The following KCNH8 variants were observed in gnomAD, a reference collection of about 807,000 sequenced individuals.
KCNH8 encodes potassium voltage-gated channel subfamily H member 8.
A neutral mutation model predicts 103.6 loss-of-function variants in KCNH8; 70 were observed. The ratio of observed to expected loss-of-function variants is 0.68; its 90% CI spans 0.56 to 0.82. KCNH8 has a LOEUF of 0.82. KCNH8 is among the 40% of genes least tolerant of loss of function. KCNH8 has a pLI of 0.00. For missense variants in KCNH8, 1,217 were observed against 1,329.9 expected, an observed-to-expected ratio of 0.92 and a Z score of 1.32; for synonymous variants, 498 against 489.4, an observed-to-expected ratio of 1.02 and a Z score of -0.23.
chr3:19,295,259 C>G (rs199529316), intron 3 of KCNH8, among the ~76,000 whole-genome samples: 3 of 152,018 alleles, frequency 2.0e-5, no homozygotes, highest in East Asian at 3.9e-4. Context: ...CGGTTCATAC[C>G]TGTGGTCCCA....
chr3:19,483,952 T>C (rs1382844990), intron 11 of KCNH8, among the ~76,000 whole-genome samples: 2 of 152,218 alleles, frequency 1.3e-5, no homozygotes. Context: ...TATTTACATT[T>C]ATATTTATAT....
In KCNH8 at chr3:19,534,072, G is replaced by A. The variant is rs1422727561; in HGVS notation, c.3297G>A (p.Val1099=). The change falls in exon 16 of 16, where the codon GTG becomes GTA. Residue 1099 remains valine (V), a synonymous_variant. Transcript: ENST00000328405. ...PLEVVTSTAE[V]KDNKAINV is the part of the protein sequence containing the mutation. ...AAGTTGTCACAAGCACAGCAGAAGT[G>A]AAAGATAACAAAGCCATAAATGTAT... is the stretch of plus-strand genomic sequence containing the variant. 1 of 1,613,832 alleles carries A rather than the reference G, an allele frequency of 6.2e-7. No homozygotes were observed. The highest frequency in any genetic ancestry group is 1.1e-5 in the South Asian group (1 of 91,050).
intron 1 of KCNH8, among the ~76,000 whole-genome samples, chr3:19,169,221 A>T (rs527774420): frequency 1.3e-5 from 2 of 151,368 alleles, no homozygotes; most frequent in African/African-American, 2.4e-5. Flanking sequence ...CAAATCTCCA[A>T]ATCTCCTAAT....
At chr3:19,266,747 T>G (rs1311156118) in intron 2 of KCNH8, among the ~76,000 whole-genome samples, 1 of 152,160 alleles carries the variant, frequency 6.6e-6, no homozygotes, top group Non-Finnish European at 1.5e-5. Context: ...CTTGAGATGT[T>G]GTATACGTCT....
chr3:19,366,588 G>A (rs1416513035), intron 5 of KCNH8, among the ~76,000 whole-genome samples: 1 of 151,938 alleles, frequency 6.6e-6, no homozygotes, highest in Non-Finnish European at 1.5e-5. Context: ...TGTAATGAAA[G>A]GGTTTTTTTC....
chr3:19,298,109 G>A (rs2065018440), intron 3 of KCNH8, among the ~76,000 whole-genome samples: 1 of 152,170 alleles, frequency 6.6e-6, no homozygotes, highest in Admixed American at 6.5e-5. Context: ...GAAAAATACA[G>A]TGAATTTGAT....
intron 11 of KCNH8, among the ~76,000 whole-genome samples, chr3:19,468,934 T>G (rs1056779940): frequency 6.6e-6 from 1 of 152,236 alleles, no homozygotes; most frequent in Non-Finnish European, 1.5e-5. Flanking sequence ...AAGGGAGCTA[T>G]TCCAAGAAGA....
At chr3:19,403,689 A>G (rs1391327124) in intron 7 of KCNH8, among the ~76,000 whole-genome samples, 2 of 151,672 alleles carry the variant, frequency 1.3e-5, no homozygotes, top group Non-Finnish European at 3.0e-5. Flanking sequence ...TCACACTGAT[A>G]TATTTTTAAC....
At chr3:19,308,706 CTCT>C (rs2065165962) in intron 3 of KCNH8, among the ~76,000 whole-genome samples, 1 of 82,148 alleles carries the variant, frequency 1.2e-5, no homozygotes, top group African/African-American at 6.3e-5. Flanking sequence ...CTCTCTCTCT[CTCT>C]CTCTCTCTCC....
At chr3:19,318,520 C>A (rs139881132) in intron 3 of KCNH8, among the ~76,000 whole-genome samples, 2 of 151,744 alleles carry the variant, frequency 1.3e-5, no homozygotes, top group Admixed American at 1.3e-4. Flanking sequence ...TAAAAACATA[C>A]AATTATTAGT....
At chr3:19,260,487 G>GATATTT in intron 2 of KCNH8, among the ~76,000 whole-genome samples, 1 of 40,034 alleles carries the variant, frequency 2.5e-5, no homozygotes, top group East Asian at 8.1e-4. Context: ...TACTCTATAG[G>GATATTT]ATATATATAT....
chr3:19,516,867 T>C (rs1220174522), intron 14 of KCNH8, among the ~76,000 whole-genome samples: 1 of 152,120 alleles, frequency 6.6e-6, no homozygotes, highest in East Asian at 1.9e-4. Flanking sequence ...GGGAATTTTA[T>C]TAATTCAAAT....
intron 5 of KCNH8, among the ~76,000 whole-genome samples, chr3:19,385,321 T>G (rs1320464889): frequency 6.6e-6 from 1 of 152,054 alleles, no homozygotes; most frequent in African/African-American, 2.4e-5. Flanking sequence ...TGTACATTGG[T>G]CATGTATCAA....
At chr3:19,193,962 T>C (rs2063577181) in intron 1 of KCNH8, among the ~76,000 whole-genome samples, 3 of 151,704 alleles carry the variant, frequency 2.0e-5, no homozygotes, top group South Asian at 4.1e-4. Context: ...GGAGGTGATA[T>C]TGAGAGACTA....
chr3:19,480,663 T>C (rs2068069738), intron 11 of KCNH8, among the ~76,000 whole-genome samples: 1 of 152,206 alleles, frequency 6.6e-6, no homozygotes, highest in Non-Finnish European at 1.5e-5. Flanking sequence ...GCTATCCATG[T>C]GCCTGGTATG....
At chr3:19,376,687 A>G (rs2066211986) in intron 5 of KCNH8, among the ~76,000 whole-genome samples, 1 of 152,204 alleles carries the variant, frequency 6.6e-6, no homozygotes. Context: ...TGTGGTTTCC[A>G]TGGAAATCAG....
At chr3:19,498,636 T>C (rs924814093) in intron 11 of KCNH8, among the ~76,000 whole-genome samples, 1 of 152,236 alleles carries the variant, frequency 6.6e-6, no homozygotes, top group African/African-American at 2.4e-5. Flanking sequence ...ACTGCGTTCC[T>C]TTGGAGGACG....
intron 1 of KCNH8, among the ~76,000 whole-genome samples, chr3:19,245,151 G>C (rs927663621): frequency 1.1e-4 from 17 of 152,092 alleles, no homozygotes; most frequent in Non-Finnish European, 2.9e-5. Flanking sequence ...ACTGGTAGGG[G>C]TACAATTTCT....
chr3:19,235,557 A>G (rs2125241308), intron 1 of KCNH8, among the ~76,000 whole-genome samples: 1 of 152,314 alleles, frequency 6.6e-6, no homozygotes, highest in Non-Finnish European at 1.5e-5. Flanking sequence ...TTAATTCTGG[A>G]CGATAGGCCC....
Sources: gnomAD v4.1 joint callset for allele counts (sites outside exome capture counted in the v4.1 genomes callset) on GRCh38, gnomAD v4.1.1 for gene constraint, MANE v1.5 for transcripts, NCBI Gene and HGNC (gene_info 2026-07-23, HGNC 2026-07-21) for gene names.